Variants in FARS2 observed in about 807,000 individuals in gnomAD.
FARS2 encodes the protein phenylalanyl-tRNA synthetase 2, mitochondrial, also known as phenylalanine--tRNA ligase, mitochondrial.
A neutral mutation model predicts 46.4 loss-of-function variants in FARS2; 40 were observed. The ratio of observed to expected loss-of-function variants is 0.86; its 90% CI spans 0.67 to 1.12. The LOEUF (loss-of-function observed/expected upper bound fraction) is 1.12, where lower values mean the gene tolerates loss of function less well. Among genes scored for constraint, FARS2 ranks in the 50% most tolerant of loss-of-function variants. The pLI is 0.00. For missense variants in FARS2, 513 were observed against 567.9 expected, an observed-to-expected ratio of 0.90 and a Z score of 0.98; for synonymous variants, 234 against 214.9, an observed-to-expected ratio of 1.09 and a Z score of -0.78.
At chr6:5,612,616 A>G (rs1196524681) in intron 5 of FARS2, among the ~76,000 whole-genome samples, 1 of 152,202 alleles carries the variant, frequency 6.6e-6, no homozygotes, top group Non-Finnish European at 1.5e-5. Flanking sequence ...AAGTGGGGGA[A>G]ATGGCTACAT....
chr6:5,683,541 G>C (rs2150839188), intron 6 of FARS2, among the ~76,000 whole-genome samples: 1 of 152,212 alleles, frequency 6.6e-6, no homozygotes, highest in South Asian at 2.1e-4. Flanking sequence ...CCTAGGAGCT[G>C]GGAAACGTGA....
chr6:5,323,765 C>A (rs762569067), intron 1 of FARS2, among the ~76,000 whole-genome samples: 1 of 152,172 alleles, frequency 6.6e-6, no homozygotes, highest in African/African-American at 2.4e-5. Context: ...AGGAGTATTA[C>A]CATCTTGGAC....
chr6:5,412,716 C>T (rs1762003987), intron 3 of FARS2, among the ~76,000 whole-genome samples: 1 of 152,184 alleles, frequency 6.6e-6, no homozygotes, highest in Admixed American at 6.5e-5. Context: ...AATGGAATCA[C>T]ATCAAAAATT....
intron 5 of FARS2, among the ~76,000 whole-genome samples, chr6:5,570,150 G>A (rs1372026278): frequency 1.3e-5 from 2 of 152,152 alleles, no homozygotes; most frequent in Non-Finnish European, 2.9e-5. Flanking sequence ...TGTCTGTTAA[G>A]CAGAAAATAT....
At chr6:5,273,224 A>C (rs892241338) in intron 1 of FARS2, among the ~76,000 whole-genome samples, 1 of 152,142 alleles carries the variant, frequency 6.6e-6, no homozygotes, top group Non-Finnish European at 1.5e-5. Context: ...TTCTATTTTT[A>C]GTTTTTTGAG....
chr6:5,286,809 A>G (rs1192444195), intron 1 of FARS2, among the ~76,000 whole-genome samples: 2 of 152,340 alleles, frequency 1.3e-5, no homozygotes, highest in South Asian at 2.1e-4. Flanking sequence ...GCATGTGTGT[A>G]TGTGTGTGAG....
At chr6:5,756,693 A>C (rs1456833346) in intron 6 of FARS2, among the ~76,000 whole-genome samples, 1 of 152,250 alleles carries the variant, frequency 6.6e-6, no homozygotes, top group Non-Finnish European at 1.5e-5. Flanking sequence ...CAAAAAAATC[A>C]TATTAACATT....
intron 6 of FARS2, among the ~76,000 whole-genome samples, chr6:5,709,748 G>A (rs1200582288): frequency 2.6e-5 from 4 of 151,304 alleles, no homozygotes; most frequent in East Asian, 2.0e-4. Context: ...GTGTGTGTGC[G>A]CGCGCGCGTG....
chr6:5,688,002 G>C (rs1409757906), intron 6 of FARS2, among the ~76,000 whole-genome samples: 1 of 152,108 alleles, frequency 6.6e-6, no homozygotes, highest in Non-Finnish European at 1.5e-5. Flanking sequence ...CTCTCTGTTT[G>C]TCTGTTATTG....
chr6:5,376,394 G>A (rs1226863100), intron 2 of FARS2, among the ~76,000 whole-genome samples: 1 of 152,072 alleles, frequency 6.6e-6, no homozygotes, highest in Non-Finnish European at 1.5e-5. Flanking sequence ...AATACCAAAG[G>A]CCTAGAGGAA....
chr6:5,365,033 A>G (rs1758558475), intron 1 of FARS2, among the ~76,000 whole-genome samples: 1 of 151,800 alleles, frequency 6.6e-6, no homozygotes, highest in African/African-American at 2.4e-5. Flanking sequence ...TGGGTGACAG[A>G]GTAAGACCCT....
At chr6:5,744,941 A>G (rs947661853) in intron 6 of FARS2, among the ~76,000 whole-genome samples, 8 of 152,232 alleles carry the variant, frequency 5.3e-5, no homozygotes, top group African/African-American at 1.7e-4. Flanking sequence ...GTTGGTGGCA[A>G]AGGAAATCAA....
chr6:5,522,859 T>C (rs905923257), intron 4 of FARS2, among the ~76,000 whole-genome samples: 1 of 152,254 alleles, frequency 6.6e-6, no homozygotes, highest in Non-Finnish European at 1.5e-5. Flanking sequence ...CATGATGTGC[T>C]ACTCTAATTT....
intron 4 of FARS2, among the ~76,000 whole-genome samples, chr6:5,539,384 G>GTGTATATATATATATATATATATACATA: frequency 1.3e-5 from 1 of 79,582 alleles, no homozygotes. Flanking sequence ...TTTTTTTTGT[G>GTGTATATATATATATATATATATACATA]TATATATATA....
chr6:5,600,715 G>A (rs957252656), intron 5 of FARS2, among the ~76,000 whole-genome samples: 2 of 152,226 alleles, frequency 1.3e-5, no homozygotes, highest in Non-Finnish European at 2.9e-5. Context: ...AAGTGCTTAT[G>A]ACTCAAGATA....
intron 1 of FARS2, among the ~76,000 whole-genome samples, chr6:5,318,017 G>C (rs779007570): frequency 5.9e-5 from 9 of 152,058 alleles, no homozygotes; most frequent in Non-Finnish European, 1.0e-4. Context: ...CATGAGCCAC[G>C]TGTCTCATTA....
At chr6:5,285,128 C>T (rs746419408) in intron 1 of FARS2, among the ~76,000 whole-genome samples, 4 of 152,170 alleles carry the variant, frequency 2.6e-5, no homozygotes, top group Non-Finnish European at 5.9e-5. Flanking sequence ...TTTCAAGAGA[C>T]TTGAAGCGAG....
chr6:5,542,775 A>G (rs973471507), intron 4 of FARS2, among the ~76,000 whole-genome samples: 6 of 152,178 alleles, frequency 3.9e-5, no homozygotes, highest in Non-Finnish European at 7.3e-5. Context: ...TCAATGTGTC[A>G]TATCTTAATT....
chr6:5,659,701 G>A (rs1777762882), intron 6 of FARS2, among the ~76,000 whole-genome samples: 1 of 152,186 alleles, frequency 6.6e-6, no homozygotes, highest in African/African-American at 2.4e-5. Context: ...CATACCAGTG[G>A]AGAAAAATCA....
Sources: allele counts gnomAD v4.1 joint callset (sites outside exome capture counted in the v4.1 genomes callset), GRCh38; gene constraint gnomAD v4.1.1; transcripts MANE v1.5; gene names NCBI Gene and HGNC (gene_info 2026-07-23, HGNC 2026-07-21).